Variants in RBMS3 observed in about 807,000 individuals in gnomAD.
RBMS3 encodes RNA-binding motif, single-stranded-interacting protein 3.
A neutral mutation model predicts 66.8 loss-of-function variants in RBMS3; 27 were observed. The observed-to-expected ratio is 0.40, with a 90% confidence interval of 0.30 to 0.56. The LOEUF is 0.56. Among genes scored for constraint, RBMS3 ranks in the 20% least tolerant of loss-of-function variants. The pLI, the probability that RBMS3 is intolerant of heterozygous loss-of-function variation, is 0.40. For synonymous variants in RBMS3, 188 were observed against 183.0 expected, an observed-to-expected ratio of 1.03 and a Z score of -0.22; for missense variants, 513 against 549.5, an observed-to-expected ratio of 0.93 and a Z score of 0.66.
chr3:30,001,695 TG>T (rs1699616439), intron 14 of RBMS3, among the ~76,000 whole-genome samples: 3 of 152,004 alleles, frequency 2.0e-5, no homozygotes, highest in African/African-American at 7.2e-5. Context: ...ACATTGTATG[TG>T]CACTGTTTTA....
intron 6 of RBMS3, chr3:29,767,613 G>C (rs368250546): frequency 6.6e-6 from 1 of 151,972 alleles, no homozygotes; most frequent in East Asian, 1.9e-4. Context: ...GTTGTGTGTT[G>C]ATGTAAATAA....
intron 3 of RBMS3, among the ~76,000 whole-genome samples, chr3:29,508,302 C>T (rs545482395): frequency 3.9e-4 from 60 of 152,208 alleles, no homozygotes; most frequent in African/African-American, 1.4e-3. Flanking sequence ...GCTGCACCCA[C>T]GAACCCATCA....
chr3:29,809,339 A>G (rs561755522), intron 6 of RBMS3, among the ~76,000 whole-genome samples: 20 of 144,278 alleles, frequency 1.4e-4, no homozygotes, highest in South Asian at 8.8e-4. Flanking sequence ...GATCAGTGGG[A>G]AAAAAAAAAA....
intron 3 of RBMS3, among the ~76,000 whole-genome samples, chr3:29,524,355 A>G (rs1236247876): frequency 6.7e-6 from 1 of 150,288 alleles, no homozygotes; most frequent in East Asian, 2.0e-4. Context: ...TTTTATGTAC[A>G]CACTGTACAC....
At chr3:29,705,146 C>T (rs2052821718) in intron 4 of RBMS3, among the ~76,000 whole-genome samples, 1 of 152,172 alleles carries the variant, frequency 6.6e-6, no homozygotes, top group African/African-American at 2.4e-5. Context: ...TCCTATTACA[C>T]CTTACCAACC....
chr3:29,388,247 G>A (rs1016252760), intron 1 of RBMS3, among the ~76,000 whole-genome samples: 7 of 152,118 alleles, frequency 4.6e-5, no homozygotes, highest in African/African-American at 1.2e-4. Flanking sequence ...AGAAATAAGC[G>A]GTTTGCTTGT....
intron 1 of RBMS3, among the ~76,000 whole-genome samples, chr3:29,402,370 A>G (rs1000982354): frequency 1.3e-5 from 2 of 152,006 alleles, no homozygotes; most frequent in Non-Finnish European, 2.9e-5. Context: ...CAGTCCATAT[A>G]TTTTAAGGGA....
chr3:29,281,576 A>G lies in RBMS3; in HGVS notation c.-106A>G. Reference sequence around the variant, plus strand: ...CGAGTGGTGGAGTCTCTGAAGCCTCATCAGTCACCGGGACTGTCAGGAATA... The same window carrying G: ...CGAGTGGTGGAGTCTCTGAAGCCTCGTCAGTCACCGGGACTGTCAGGAATA... On this transcript the variant is annotated 5_prime_UTR_variant, in exon 1 of 15. Transcript: ENST00000383767. The G allele has an allele frequency of 1.2e-6, 1 of 848,360 alleles. No individual in the cohort carries two copies. The highest frequency in any genetic ancestry group is 2.0e-6 in the Non-Finnish European group (1 of 509,534). 52.6% of individuals were successfully genotyped at this position (848,360 alleles called of 1,614,324 possible). A position where few individuals can be genotyped will look rare whatever the true frequency, so the allele number is the denominator to read the frequency against.
intron 12 of RBMS3, among the ~76,000 whole-genome samples, chr3:29,961,438 G>A (rs1237387326): frequency 1.3e-5 from 2 of 152,174 alleles, no homozygotes; most frequent in East Asian, 3.9e-4. Context: ...CAGTTCCAGA[G>A]TTGCTTCCAC....
intron 3 of RBMS3, among the ~76,000 whole-genome samples, chr3:29,567,633 A>G (rs1050980500): frequency 2.6e-5 from 4 of 152,090 alleles, no homozygotes; most frequent in Non-Finnish European, 5.9e-5. Flanking sequence ...CGAAGGAGCA[A>G]TAGTGGTCTA....
At chr3:29,747,906 G>GC in intron 5 of RBMS3, among the ~76,000 whole-genome samples, 1 of 152,062 alleles carries the variant, frequency 6.6e-6, no homozygotes, top group Admixed American at 6.5e-5. Context: ...AGGCTTGAAG[G>GC]TGATGTTTCA....
chr3:29,518,614 T>A (rs1480401138), intron 3 of RBMS3, among the ~76,000 whole-genome samples: 6 of 152,224 alleles, frequency 3.9e-5, no homozygotes, highest in Non-Finnish European at 1.5e-5. Context: ...TGGCAGGACA[T>A]GTCTAAAGTT....
At chr3:29,430,503 C>T (rs1479273390) in intron 1 of RBMS3, among the ~76,000 whole-genome samples, 3 of 152,194 alleles carry the variant, frequency 2.0e-5, no homozygotes, top group Admixed American at 6.5e-5. Flanking sequence ...TGGCTTTTGA[C>T]TATTTTGTTA....
chr3:29,702,620 G>C (rs916909262), intron 4 of RBMS3, among the ~76,000 whole-genome samples: 1 of 152,100 alleles, frequency 6.6e-6, no homozygotes, highest in African/African-American at 2.4e-5. Context: ...TGAGGCCAGC[G>C]AGACCACAAA....
chr3:29,965,685 TTACTC>T (rs1020062771), intron 12 of RBMS3, among the ~76,000 whole-genome samples: 2 of 152,184 alleles, frequency 1.3e-5, no homozygotes, highest in African/African-American at 4.8e-5. Flanking sequence ...GGTTTTCTGT[TTACTC>T]TGCTGACTGT....
rs1438399907 is a variant in RBMS3 at position 30,009,550 on chromosome 3, A to AT, written c.*5693dup. Reference sequence around the variant, plus strand: ...ATTCAGCTTCCCTCAAAAGAAAGCTATTTTTGTTTCCTTCACTCCACTAAA... The same window carrying AT: ...ATTCAGCTTCCCTCAAAAGAAAGCTATTTTTTGTTTCCTTCACTCCACTAAA... On this transcript the variant is annotated 3_prime_UTR_variant, in exon 15 of 15. Coordinates refer to ENST00000383767, the MANE Select transcript of RBMS3 (RefSeq NM_001003793.3). 2 of 152,236 alleles carry AT rather than the reference A, an allele frequency of 1.3e-5. No individual in the cohort carries two copies. Among genetic ancestry groups the AT allele is most frequent in the African/African-American group, 4.8e-5 (2 of 41,560 alleles). The allele number at this position is 152,236 out of a possible 1,614,324, so 9.4% of individuals were successfully genotyped here. A position where few individuals can be genotyped will look rare whatever the true frequency, so the allele number is the denominator to read the frequency against.
rs536953160 is a variant in RBMS3, at chr3:29,698,437, T to C, written c.400-41283T>C. On this transcript the variant is annotated intron_variant, in intron 4 of 14. Transcript: ENST00000383767. ...GATATCACAGACATTGCCATGAAAG[T>C]GGTAAATGGAGAAATACAGTCTTTG... The C allele has an allele frequency of 2.8e-5, 28 of 985,386 alleles. 1 individual carries two copies. In the South Asian group the frequency reaches 1.1e-3, roughly 40 times the overall value. The allele number at this position is 985,386 out of a possible 1,614,324, so 61.0% of individuals were successfully genotyped here.
chr3:29,395,876 G>A (rs1002611161), intron 1 of RBMS3, among the ~76,000 whole-genome samples: 23 of 152,142 alleles, frequency 1.5e-4, no homozygotes, highest in Admixed American at 1.5e-3. Context: ...ATATAATAGG[G>A]TAAATATGGA....
chr3:29,470,485 G>C (rs1257254701), intron 2 of RBMS3, among the ~76,000 whole-genome samples: 1 of 151,950 alleles, frequency 6.6e-6, no homozygotes, highest in Non-Finnish European at 1.5e-5. Context: ...CTCCACTGTA[G>C]TGTTTGTAGG....
Sources: gnomAD v4.1 joint callset for allele counts (sites outside exome capture counted in the v4.1 genomes callset) on GRCh38, gnomAD v4.1.1 for gene constraint, MANE v1.5 for transcripts, NCBI Gene and HGNC (gene_info 2026-07-23, HGNC 2026-07-21) for gene names.